Variants in GAK observed in about 807,000 individuals in gnomAD.
GAK encodes cyclin-G-associated kinase.
A neutral mutation model predicts 143.9 loss-of-function variants in GAK; 79 were observed. That is an observed-to-expected ratio of 0.55 (90% CI 0.46 to 0.66). GAK has a LOEUF of 0.66. Ranked by LOEUF, GAK falls within the 30% of genes least tolerant of loss-of-function variation. The pLI is 0.00. For synonymous variants in GAK, 881 were observed against 765.5 expected (o/e 1.15, Z -2.49); for missense variants, 1,693 against 1,779.7 (o/e 0.95, Z 0.88).
chr4:904,173 C>A (rs1043211538), intron 5 of GAK, among the ~76,000 whole-genome samples: 1 of 150,454 alleles, frequency 6.6e-6, no homozygotes, highest in Admixed American at 6.6e-5. Context: ...CCGAGTGGGA[C>A]CCGCACACAG....
chr4:866,023 C>T (rs982426716), intron 22 of GAK, among the ~76,000 whole-genome samples: 1 of 152,274 alleles, frequency 6.6e-6, no homozygotes, highest in Non-Finnish European at 1.5e-5. Flanking sequence ...CTGGTCCCTA[C>T]ACAAGCTCTG....
At chr4:870,930 A>G in intron 18 of GAK, 26 bp from the exon 19 acceptor site, 3 of 1,585,038 alleles carry the variant, frequency 1.9e-6, no homozygotes, top group Non-Finnish European at 2.6e-6. Context: ...GACACCACTT[A>G]GGAAGGCCAC....
At chr4:913,799 G>T (rs1193734454) in intron 1 of GAK, 131 bp from the exon 2 acceptor site, 1 of 756,500 alleles carries the variant, frequency 1.3e-6, no homozygotes, top group African/African-American at 1.7e-5. Context: ...AAAACATAAT[G>T]GCCCCAGCGT....
At chr4:883,984 G>A (rs1715709582) in intron 12 of GAK, 53 bp downstream of exon 12, 3 of 1,509,540 alleles carry the variant, frequency 2.0e-6, no homozygotes, top group African/African-American at 1.4e-5. Context: ...GGACTCACTG[G>A]GCACACAGGG....
intron 25 of GAK, 71 bp downstream of exon 25, chr4:851,679 A>G (rs1748164914): frequency 1.3e-6 from 2 of 1,485,818 alleles, no homozygotes; most frequent in Non-Finnish European, 9.3e-7. Context: ...AGAAAACAAC[A>G]TAGGTTCTAC....
chr4:899,542 AG>A (rs1719462754), intron 5 of GAK, among the ~76,000 whole-genome samples: 1 of 152,236 alleles, frequency 6.6e-6, no homozygotes, highest in Non-Finnish European at 1.5e-5. Flanking sequence ...AGTCGAGGAA[AG>A]GCAGGCATTT....
intron 4 of GAK, among the ~76,000 whole-genome samples, chr4:908,968 T>C (rs1721556246): frequency 6.6e-6 from 1 of 152,042 alleles, no homozygotes; most frequent in African/African-American, 2.4e-5. Flanking sequence ...GCCTCCCGAG[T>C]AGCTGGGATT....
chr4:880,947 A>T (rs1714978921), intron 15 of GAK, among the ~76,000 whole-genome samples: 1 of 152,176 alleles, frequency 6.6e-6, no homozygotes, highest in Admixed American at 6.5e-5. Flanking sequence ...AATGGCTTTC[A>T]GCTCAATGTG....
At position 923,172 on chromosome 4, in the gene GAK, G is replaced by A. The variant is rs184670517; in HGVS notation, c.145+8871C>T. Among the ~76,000 whole-genome samples, 468 of 152,264 alleles carry A rather than the reference G, an allele frequency of 3.1e-3. 1 individual carries two copies. The highest frequency in any genetic ancestry group is 5.2e-3 in the Non-Finnish European group (353 of 68,032). On this transcript the variant is annotated intron_variant, in intron 1 of 27. Transcript: ENST00000314167. Reference sequence around the variant, plus strand: ...CTGCACCAGGGTTAGCATCCCGACCGTCACCACTGGGGAAACCAGGCAAGG... The same window carrying A: ...CTGCACCAGGGTTAGCATCCCGACCATCACCACTGGGGAAACCAGGCAAGG...
chr4:927,732 TTA>T (rs1725058822), intron 1 of GAK, among the ~76,000 whole-genome samples: 1 of 139,638 alleles, frequency 7.2e-6, no homozygotes, highest in Admixed American at 7.2e-5. Flanking sequence ...CCCTCCCTGC[TTA>T]CCTGCGCTCT....
Position 877,507 on chromosome 4 carries a change from G to A in GAK, c.1856+108C>T, listed in dbSNP as rs58421211. ...CCACAGACGCCACAGTTCCAAACAC[G>A]TCCGCCTCAGCAAGCGCCTGTCCCC... On this transcript the variant is annotated intron_variant, in intron 16 of 27. Transcript: ENST00000314167. The A allele has an allele frequency of 1.4e-4, 165 of 1,173,314 alleles. No individual in the cohort carries two copies. In the African/African-American group the frequency reaches 2.3e-3, roughly 17 times the overall value. The allele number at this position is 1,173,314 out of a possible 1,614,324, so 72.7% of individuals were successfully genotyped here. A position where few individuals can be genotyped will look rare whatever the true frequency, so the allele number is the denominator to read the frequency against.
At chr4:887,308 G>A (rs189264622) in intron 11 of GAK, 14 of 147,154 alleles carry the variant, frequency 9.5e-5, no homozygotes, top group Middle Eastern at 3.9e-3. Flanking sequence ...GCACTCACAC[G>A]TGTACACATG....
intron 18 of GAK, among the ~76,000 whole-genome samples, chr4:874,794 C>T (rs891482556): frequency 6.6e-6 from 1 of 152,134 alleles, no homozygotes; most frequent in African/African-American, 2.4e-5. Flanking sequence ...TCCACTCTCT[C>T]TCTTCTCCTA....
At chr4:893,283 CAT>C in intron 9 of GAK, 92 bp downstream of exon 9, 1 of 881,514 alleles carries the variant, frequency 1.1e-6, no homozygotes, top group Non-Finnish European at 1.7e-6. Context: ...CTGGGGCTCA[CAT>C]GTGCCTCCCT....
chr4:905,920 T>C lies in GAK; in HGVS notation c.383-1141A>G, dbSNP rs1266123333. On this transcript the variant is annotated intron_variant, in intron 4 of 27. Coordinates refer to ENST00000314167, the MANE Select transcript of GAK (RefSeq NM_005255.4). The stretch of plus-strand genomic sequence containing the variant: ...CCCCGTGTGTGGGACCACCACCCAG[T>C]GGCAGGGGTGGGCTCGGAGCAGCCC... Among the ~76,000 whole-genome samples, 3 of 152,222 alleles carry C rather than the reference T, an allele frequency of 2.0e-5. No individual in the cohort carries two copies. The East Asian group carries it at 5.8e-4, about 29-fold the overall frequency.
At chr4:866,697 C>T (rs959392720) in intron 21 of GAK, among the ~76,000 whole-genome samples, 163 bp from the exon 22 acceptor site, 3 of 152,146 alleles carry the variant, frequency 2.0e-5, no homozygotes, top group Non-Finnish European at 4.4e-5. Context: ...AGGGGCTCCC[C>T]GTGCCCCACG....
intron 10 of GAK, among the ~76,000 whole-genome samples, chr4:889,458 C>A (rs1049061584): frequency 6.6e-6 from 1 of 151,978 alleles, no homozygotes; most frequent in Non-Finnish European, 1.5e-5. Flanking sequence ...AAAAAAAACA[C>A]CTGGCCAAAG....
Position 893,867 on chromosome 4 carries a change from G to C in GAK, c.877+7C>G, listed in dbSNP as rs556566482. 3.2e-6 allele frequency: 5 copies of C among 1,578,686 alleles called. No homozygotes were observed. Among genetic ancestry groups the C allele is most frequent in the Admixed American group, 3.5e-5 (2 of 57,644 alleles). Reference sequence around the variant, plus strand: ...CTGCCCCACGCACGCATTCCACCGGGACTTACGGATGAGGCTGTGGAAGAC... The same window carrying C: ...CTGCCCCACGCACGCATTCCACCGGCACTTACGGATGAGGCTGTGGAAGAC... On this transcript the variant is annotated splice_region_variant and intron_variant, in intron 8 of 27. Coordinates refer to ENST00000314167, the MANE Select transcript of GAK (RefSeq NM_005255.4).
At chr4:874,031 A>G (rs1713280380) in intron 18 of GAK, among the ~76,000 whole-genome samples, 1 of 152,024 alleles carries the variant, frequency 6.6e-6, no homozygotes, top group Admixed American at 6.6e-5. Context: ...TCTTGATTGC[A>G]TCTTTAATCT....
Sources: gnomAD v4.1 joint callset for allele counts (sites outside exome capture counted in the v4.1 genomes callset) on GRCh38, gnomAD v4.1.1 for gene constraint, MANE v1.5 for transcripts, NCBI Gene and HGNC (gene_info 2026-07-23, HGNC 2026-07-21) for gene names.